BET1: variants seen among roughly 807,000 people sequenced by gnomAD.
BET1 encodes Bet1 golgi vesicular membrane trafficking protein, also known as BET1 homolog.
BET1 carries 9 observed loss-of-function variants against 13.9 expected under a neutral mutation model. The observed-to-expected ratio is 0.65, with a 90% CI of 0.39 to 1.13. The LOEUF is 1.13. Ranked by LOEUF, BET1 falls within the 50% of genes most tolerant of loss-of-function variation. BET1 has a pLI of 0.01. For missense variants in BET1, 127 were observed against 133.6 expected (o/e 0.95, Z 0.24); for synonymous variants, 39 against 47.3 (o/e 0.82, Z 0.72).
chr7:93,976,205 A>G (rs990960398), intron 4 of BET1: 39 of 822,464 alleles, frequency 4.7e-5, no homozygotes, highest in Non-Finnish European at 4.7e-5. Flanking sequence ...TTACAGAAAA[A>G]CTGAGCAGGT....
chr7:93,988,510 T>C (rs1236689314), downstream of BET1, among the ~76,000 whole-genome samples: 2 of 152,206 alleles, frequency 1.3e-5, no homozygotes, highest in East Asian at 1.9e-4. Flanking sequence ...TGCATGCTTA[T>C]ATTAAGAAAA....
chr7:93,999,235 C>T lies in BET1; in HGVS notation c.79G>A (p.Ala27Thr), dbSNP rs1261959844. ...NYGYANSGYS[A>T]CEEENERLTE... ...AGCCTCTCATTTTCTTCTTCACAGGCACTATACCCACTATTAGCATAGCCA... is the reference window on the plus strand; with the variant it reads ...AGCCTCTCATTTTCTTCTTCACAGGTACTATACCCACTATTAGCATAGCCA... The change falls in exon 2 of 4, where the codon GCC becomes ACC. Residue 27 changes from alanine to threonine, a missense_variant. Physicochemically the swap from Ala to Thr is moderately conservative, Grantham distance 58. Coordinates refer to ENST00000222547, the MANE Select transcript of BET1 (RefSeq NM_005868.6). 1 of 1,613,346 alleles carries T rather than the reference C, an allele frequency of 6.2e-7. No homozygotes were observed. The highest frequency in any genetic ancestry group is 8.5e-7 in the Non-Finnish European group (1 of 1,179,646).
chr7:93,976,030 AG>A lies in BET1; in HGVS notation c.305del (p.Pro102LeufsTer8), dbSNP rs1795329490. 11 of 1,279,932 alleles carry A rather than the reference AG, an allele frequency of 8.6e-6. No individual in the cohort carries two copies. The African/African-American group carries it at 1.2e-4, about 14-fold the overall frequency. The allele number at this position is 1,279,932 out of a possible 1,614,324, so 79.3% of individuals were successfully genotyped here. ...TTTTTAAGCTTCTGGACAAATGCTG[AG>A]GAACAGTCAAAATTAGCAGAAGTAG... On this transcript the variant is annotated frameshift_variant and NMD_transcript_variant, in exon 5 of 7. Transcript: ENST00000357520.
chr7:93,998,102 A>G (rs892016465), intron 2 of BET1, among the ~76,000 whole-genome samples: 5 of 152,194 alleles, frequency 3.3e-5, no homozygotes, highest in African/African-American at 1.2e-4. Context: ...GGAAAGTGAC[A>G]GCATACAGAG....
chr7:93,991,667 T>C (rs1795638043), downstream of BET1: 1 of 367,500 alleles, frequency 2.7e-6, no homozygotes, highest in Admixed American at 6.5e-5. Context: ...GAAACTGAGA[T>C]GGAGAGGTCA....
chr7:93,991,451 C>T (rs969147421), downstream of BET1, among the ~76,000 whole-genome samples: 1 of 152,176 alleles, frequency 6.6e-6, no homozygotes, highest in African/African-American at 2.4e-5. Flanking sequence ...CTTGTACCAA[C>T]TCAAGAGAGC....
intron 4 of BET1, among the ~76,000 whole-genome samples, chr7:93,979,304 T>A (rs1795389579): frequency 1.3e-5 from 2 of 152,320 alleles, no homozygotes; most frequent in Admixed American, 1.3e-4. Flanking sequence ...GCTGTGCCAC[T>A]GTTCAGTGCA....
At chr7:93,996,190 A>G in intron 3 of BET1, 75 bp downstream of exon 3, 2 of 1,124,872 alleles carry the variant, frequency 1.8e-6, no homozygotes, top group Non-Finnish European at 2.6e-6. Context: ...GTATTTCAAA[A>G]TGAATAAAAG....
intron 3 of BET1, 126 bp downstream of exon 3, chr7:93,996,139 A>G: frequency 1.4e-6 from 1 of 728,394 alleles, no homozygotes; most frequent in Non-Finnish European, 2.3e-6. Context: ...TTCCAAACAC[A>G]TTAGATACAA....
chr7:93,999,201 C>G lies in BET1; in HGVS notation c.113G>C (p.Ser38Thr), dbSNP rs558422753. 1 of 1,613,038 alleles carries G rather than the reference C, an allele frequency of 6.2e-7. No individual in the cohort carries two copies. The highest frequency in any genetic ancestry group is 1.7e-5 in the Admixed American group (1 of 59,964). ...TATAGCAGTTACTTTGCTTCTCAGA[C>G]TTTCAGTGAGCCTCTCATTTTCTTC... ...CEEENERLTE[S>T]LRSKVTAIKS... The change falls in exon 2 of 4, where the codon AGT becomes ACT. Residue 38 changes from serine (S) to threonine (T), a missense_variant. Ser to Thr is a moderately conservative substitution (Grantham distance 58). Coordinates refer to ENST00000222547, the MANE Select transcript of BET1 (RefSeq NM_005868.6).
intron 1 of BET1, 130 bp from the exon 2 acceptor site, chr7:93,999,424 A>T (rs1795846771): frequency 1.8e-6 from 2 of 1,134,570 alleles, no homozygotes; most frequent in Non-Finnish European, 2.4e-6. Flanking sequence ...TCATACTCCA[A>T]ATGAATTTAA....
At chr7:93,978,567 G>A (rs1186487649) in intron 4 of BET1, among the ~76,000 whole-genome samples, 1 of 152,042 alleles carries the variant, frequency 6.6e-6, no homozygotes, top group Non-Finnish European at 1.5e-5. Context: ...TTACTAGTCT[G>A]TTGGCTTGTT....
chr7:93,964,564 T>G (rs1054674102), exon 7 of BET1: 13 of 152,160 alleles, frequency 8.5e-5, no homozygotes, highest in African/African-American at 3.1e-4. Context: ...TGAATAGCAC[T>G]GCGATGAACA....
chr7:93,972,640 C>T (rs901108327), exon 6 of BET1: 39 of 151,872 alleles, frequency 2.6e-4, no homozygotes, highest in African/African-American at 8.4e-4. Flanking sequence ...AAAGCCATTT[C>T]CTACTAATCT....
At chr7:93,980,370 A>G (rs1686942827) in intron 4 of BET1, among the ~76,000 whole-genome samples, 1 of 152,170 alleles carries the variant, frequency 6.6e-6, no homozygotes, top group Admixed American at 6.6e-5. Context: ...TGAAGATCAT[A>G]GATGCAAAAT....
intron 1 of BET1, 72 bp from the exon 2 acceptor site, chr7:93,999,366 T>A: frequency 6.5e-7 from 1 of 1,530,562 alleles, no homozygotes. Context: ...AGGAAAGAAC[T>A]GAAAAAGACC....
chr7:93,983,385 A>C (rs1795461852), intron 4 of BET1, among the ~76,000 whole-genome samples: 1 of 152,146 alleles, frequency 6.6e-6, no homozygotes, highest in Non-Finnish European at 1.5e-5. Context: ...CCCTAAAAAG[A>C]CATGAACTGG....
intron 4 of BET1, among the ~76,000 whole-genome samples, chr7:93,978,351 G>A (rs1449110256): frequency 6.6e-6 from 1 of 152,178 alleles, no homozygotes; most frequent in Non-Finnish European, 1.5e-5. Flanking sequence ...TTATAGGAGT[G>A]AGCCACTGTG....
intron 6 of BET1, among the ~76,000 whole-genome samples, chr7:93,967,838 A>G (rs1313862541): frequency 6.6e-6 from 1 of 151,764 alleles, no homozygotes; most frequent in African/African-American, 2.4e-5. Flanking sequence ...ATCACAATGT[A>G]TTTTGAAAAC....
Sources: allele counts gnomAD v4.1 joint callset (sites outside exome capture counted in the v4.1 genomes callset), GRCh38; gene constraint gnomAD v4.1.1; transcripts MANE v1.5; gene names NCBI Gene and HGNC (gene_info 2026-07-23, HGNC 2026-07-21).